Variants in CHN2 observed in about 807,000 individuals in gnomAD.
The protein encoded by CHN2 is beta-chimaerin.
A neutral mutation model predicts 56.3 loss-of-function variants in CHN2; 35 were observed. The ratio of observed to expected loss-of-function variants is 0.62; its 90% CI spans 0.47 to 0.82. CHN2 has a LOEUF of 0.82. CHN2 is among the 40% of genes least tolerant of loss of function. CHN2 has a pLI of 0.00. For synonymous variants in CHN2, 210 were observed against 212.8 expected, an observed-to-expected ratio of 0.99 and a Z score of 0.12; for missense variants, 491 against 580.5, an observed-to-expected ratio of 0.85 and a Z score of 1.58.
chr7:29,263,733 G>A (rs900272909), intron 1 of CHN2, among the ~76,000 whole-genome samples: 2 of 151,900 alleles, frequency 1.3e-5, no homozygotes, highest in East Asian at 2.0e-4. Context: ...CATCTGGGAT[G>A]TGGGGAGCGC....
intron 6 of CHN2, among the ~76,000 whole-genome samples, chr7:29,443,240 C>CGAAAA (rs1783798543): frequency 6.6e-6 from 1 of 151,322 alleles, no homozygotes; most frequent in South Asian, 2.1e-4. Flanking sequence ...GTGCCCGGCC[C>CGAAAA]AATTTCATTG....
At chr7:29,482,677 G>A (rs1397216382) in intron 7 of CHN2, among the ~76,000 whole-genome samples, 1 of 151,458 alleles carries the variant, frequency 6.6e-6, no homozygotes, top group South Asian at 2.1e-4. Context: ...TGTAATTCGG[G>A]TTAATATTTG....
intron 1 of CHN2, among the ~76,000 whole-genome samples, chr7:29,328,462 G>A (rs575030352): frequency 1.3e-5 from 2 of 152,128 alleles, no homozygotes; most frequent in Non-Finnish European, 2.9e-5. Flanking sequence ...GAATGCACAT[G>A]TGGATAGATA....
intron 1 of CHN2, among the ~76,000 whole-genome samples, chr7:29,264,476 C>G (rs180874610): frequency 6.6e-6 from 1 of 152,210 alleles, no homozygotes; most frequent in African/African-American, 2.4e-5. Flanking sequence ...AGGAAAAATT[C>G]TTCTGCCTTG....
intron 1 of CHN2, among the ~76,000 whole-genome samples, chr7:29,281,829 G>C (rs1397322411): frequency 6.6e-6 from 1 of 152,156 alleles, no homozygotes; most frequent in Non-Finnish European, 1.5e-5. Flanking sequence ...ATGCCTCCTT[G>C]TCCTCATCTC....
At chr7:29,322,035 A>G (rs545405823) in intron 1 of CHN2, among the ~76,000 whole-genome samples, 1 of 152,322 alleles carries the variant, frequency 6.6e-6, no homozygotes, top group South Asian at 2.1e-4. Flanking sequence ...GGATATTTTC[A>G]TGTGTTGTTA....
intron 1 of CHN2, among the ~76,000 whole-genome samples, chr7:29,213,947 T>G (rs1350439617): frequency 6.6e-6 from 1 of 152,128 alleles, no homozygotes; most frequent in African/African-American, 2.4e-5. Flanking sequence ...AAGCAATAAT[T>G]GCGCTTTTTA....
At chr7:29,297,111 T>C (rs1793220428) in intron 1 of CHN2, among the ~76,000 whole-genome samples, 1 of 152,106 alleles carries the variant, frequency 6.6e-6, no homozygotes, top group South Asian at 2.1e-4. Flanking sequence ...AAATGGAATT[T>C]ATTGGGTGAA....
At chr7:29,317,338 A>C (rs16874975) in intron 1 of CHN2, among the ~76,000 whole-genome samples, 4,546 of 152,274 alleles carry the variant, frequency 0.03, 220 homozygotes, top group African/African-American at 0.1. Flanking sequence ...GTGGAAAAAA[A>C]ATCAACATAT....
At chr7:29,406,932 A>T (rs1318382518) in intron 6 of CHN2, among the ~76,000 whole-genome samples, 2 of 152,218 alleles carry the variant, frequency 1.3e-5, no homozygotes, top group Non-Finnish European at 2.9e-5. Context: ...TGATTGAATG[A>T]AAAATGGATG....
At chr7:29,174,346 G>A (rs1266867795) in intron 2 of CHN2, among the ~76,000 whole-genome samples, 2 of 152,170 alleles carry the variant, frequency 1.3e-5, no homozygotes, top group Non-Finnish European at 2.9e-5. Context: ...AAGGACAGAA[G>A]CAAAAGTCAT....
intron 6 of CHN2, among the ~76,000 whole-genome samples, chr7:29,447,864 A>G (rs1010697841): frequency 6.6e-6 from 1 of 152,242 alleles, no homozygotes; most frequent in African/African-American, 2.4e-5. Flanking sequence ...TCTATTAACA[A>G]ACAGTAACAA....
intron 6 of CHN2, among the ~76,000 whole-genome samples, chr7:29,438,629 AT>A (rs777043168): frequency 3.3e-5 from 5 of 152,168 alleles, no homozygotes; most frequent in African/African-American, 4.8e-5. Flanking sequence ...ATTTGCACTC[AT>A]ATTAAGATGG....
Position 29,507,274 on chromosome 7 carries a change from C to T in CHN2, c.1038C>T (p.Asn346=). ...DISANVYPDI[N]IITGALKLYF... ...CTGCCAATGTCTATCCAGACATAAA[C>T]ATCATCACTGGAGCCCTTAAACTGT... is the stretch of plus-strand genomic sequence containing the variant. Residue 346 remains asparagine, a synonymous_variant, in exon 11 of 13, where the codon AAC becomes AAT. Coordinates refer to ENST00000222792, the MANE Select transcript of CHN2 (RefSeq NM_004067.4). 2 of 1,613,096 alleles carry T rather than the reference C, an allele frequency of 1.2e-6. No homozygotes were observed. The highest frequency in any genetic ancestry group is 1.7e-6 in the Non-Finnish European group (2 of 1,179,626).
intron 6 of CHN2, among the ~76,000 whole-genome samples, chr7:29,419,300 T>C (rs1003215567): frequency 6.6e-6 from 1 of 152,160 alleles, no homozygotes; most frequent in African/African-American, 2.4e-5. Context: ...AAGAATGAAT[T>C]TGGACTCTTA....
intron 1 of CHN2, among the ~76,000 whole-genome samples, chr7:29,319,046 A>C (rs559416518): frequency 6.6e-6 from 1 of 152,188 alleles, no homozygotes; most frequent in African/African-American, 2.4e-5. Context: ...CCCTCCCCTC[A>C]GACACAGGGC....
intron 1 of CHN2, among the ~76,000 whole-genome samples, chr7:29,344,073 T>G (rs1797246444): frequency 6.6e-6 from 1 of 152,142 alleles, no homozygotes; most frequent in Non-Finnish European, 1.5e-5. Flanking sequence ...TTCCCTCCTT[T>G]CCTTCCCTGT....
intron 1 of CHN2, among the ~76,000 whole-genome samples, chr7:29,272,552 T>A (rs971618422): frequency 2.0e-5 from 3 of 152,126 alleles, no homozygotes; most frequent in Non-Finnish European, 2.9e-5. Context: ...TGCTTGTCTA[T>A]GGGGCTGGAG....
At chr7:29,293,493 A>G (rs1430997109) in intron 1 of CHN2, among the ~76,000 whole-genome samples, 1 of 151,756 alleles carries the variant, frequency 6.6e-6, no homozygotes, top group Non-Finnish European at 1.5e-5. Context: ...CACAAACTGC[A>G]CTATCATCCC....
Sources: gnomAD v4.1 joint callset for allele counts (sites outside exome capture counted in the v4.1 genomes callset) on GRCh38, gnomAD v4.1.1 for gene constraint, MANE v1.5 for transcripts, NCBI Gene and HGNC (gene_info 2026-07-23, HGNC 2026-07-21) for gene names.